Variants in VIRMA observed in about 807,000 individuals in gnomAD.
VIRMA encodes the protein protein virilizer homolog.
A neutral mutation model predicts 182.4 loss-of-function variants in VIRMA; 65 were observed. The ratio of observed to expected loss-of-function variants is 0.36; its 90% CI spans 0.29 to 0.44. The LOEUF (loss-of-function observed/expected upper bound fraction) is 0.44. Among genes scored for constraint, VIRMA ranks in the 20% least tolerant of loss-of-function variants. VIRMA has a pLI of 1.00. For synonymous variants in VIRMA, 709 were observed against 743.1 expected, an observed-to-expected ratio of 0.95 and a Z score of 0.75; for missense variants, 1,752 against 2,158.1, an observed-to-expected ratio of 0.81 and a Z score of 3.73.
intron 7 of VIRMA, among the ~76,000 whole-genome samples, 195 bp from the exon 8 acceptor site, chr8:94,527,558 T>C (rs1336590488): frequency 2.6e-5 from 4 of 152,240 alleles, no homozygotes; most frequent in African/African-American, 9.6e-5. Flanking sequence ...AACTTCTTTT[T>C]TTCCTGAAAG....
At chr8:94,521,221 A>T (rs1814755295) in intron 8 of VIRMA, among the ~76,000 whole-genome samples, 1 of 151,870 alleles carries the variant, frequency 6.6e-6, no homozygotes. Flanking sequence ...TTCTCCTTCA[A>T]CAGGCCCCAG....
chr8:94,547,000 T>G (rs550294369), intron 1 of VIRMA: 1 of 455,320 alleles, frequency 2.2e-6, no homozygotes, highest in East Asian at 7.0e-5. Flanking sequence ...ATCTATCACA[T>G]CCTTCTGCCC....
At chr8:94,540,105 T>C (rs916662860) in intron 2 of VIRMA, among the ~76,000 whole-genome samples, 12 of 152,208 alleles carry the variant, frequency 7.9e-5, no homozygotes, top group South Asian at 6.2e-4. Flanking sequence ...TTCTAGAAAG[T>C]GTTTTTACAG....
chr8:94,543,528 C>T (rs1440298375), intron 2 of VIRMA, among the ~76,000 whole-genome samples: 2 of 151,110 alleles, frequency 1.3e-5, no homozygotes, highest in African/African-American at 4.9e-5. Context: ...CTTCATCTAC[C>T]TGGTTACACC....
At position 94,494,964 on chromosome 8, in the gene VIRMA, A is replaced by G; in HGVS notation, c.4545-8T>C. 3 of 1,564,038 alleles carry G rather than the reference A, an allele frequency of 1.9e-6. No homozygotes were observed. Among genetic ancestry groups the G allele is most frequent in the Non-Finnish European group, 2.6e-6 (3 of 1,139,090 alleles). ...GCAAGCACATAGGCAGTCCTGGAAC[A>G]AGAAAAGTATCTGGTGAAAAGCAGA... On this transcript the variant is annotated splice_region_variant and splice_polypyrimidine_tract_variant and intron_variant, in intron 19 of 23. Transcript: ENST00000297591.
chr8:94,489,056 A>G (rs1813534666), intron 23 of VIRMA, among the ~76,000 whole-genome samples, 196 bp from the exon 24 acceptor site: 1 of 152,244 alleles, frequency 6.6e-6, no homozygotes, highest in Non-Finnish European at 1.5e-5. Flanking sequence ...TATGAGAATT[A>G]TATCCTAAAT....
intron 8 of VIRMA, 48 bp downstream of exon 8, chr8:94,526,175 C>T: frequency 1.4e-6 from 2 of 1,418,864 alleles, no homozygotes; most frequent in Non-Finnish European, 9.6e-7. Context: ...ATAAAATTGT[C>T]TCCAATGATT....
chr8:94,535,058 G>C (rs1449871294), intron 4 of VIRMA, 51 bp from the exon 5 acceptor site: 1 of 1,535,508 alleles, frequency 6.5e-7, no homozygotes, highest in East Asian at 2.3e-5. Context: ...GTTTTAAAAT[G>C]CTAGAAGTTA....
intron 16 of VIRMA, among the ~76,000 whole-genome samples, chr8:94,502,524 A>C (rs1356042204): frequency 1.3e-5 from 2 of 151,998 alleles, no homozygotes; most frequent in African/African-American, 2.4e-5. Context: ...AAAGAAAGTA[A>C]ATGTATGTAA....
chr8:94,526,591 T>C lies in VIRMA; in HGVS notation c.1653A>G (p.Ser551=). ...AGAAATGGCATTTTTGGAGAATAGC[T>C]GAACCAGCAGTAACAACCCTCACAG... ...DQTVRVVTAG[S]AILQKCHFYE... Residue 551 remains serine, a synonymous_variant, in exon 8 of 24, where the codon TCA becomes TCG. Coordinates refer to ENST00000297591, the MANE Select transcript of VIRMA (RefSeq NM_015496.5). The C allele has an allele frequency of 6.2e-7, 1 of 1,614,036 alleles. No homozygotes were observed. The highest frequency in any genetic ancestry group is 8.5e-7 in the Non-Finnish European group (1 of 1,180,002).
At position 94,488,724 on chromosome 8, in the gene VIRMA, T is replaced by C; in HGVS notation, c.5421A>G (p.Val1807=). ...AGGATTTTTATCGTGTAAAGGAGCG[T>C]ACATGACGACCTCTACCACTGCCTC... ...VSGGSGRGRH[V]RSFTR The change falls in exon 24 of 24, where the codon GTA becomes GTG. Residue 1807 remains valine, a synonymous_variant. Transcript: ENST00000297591. 1 of 1,614,188 alleles carries C rather than the reference T, an allele frequency of 6.2e-7. No homozygotes were observed. The highest frequency in any genetic ancestry group is 8.5e-7 in the Non-Finnish European group (1 of 1,180,022).
At chr8:94,494,998 A>T (rs1011547010) in intron 19 of VIRMA, 42 bp from the exon 20 acceptor site, 2 of 1,397,878 alleles carry the variant, frequency 1.4e-6, no homozygotes, top group African/African-American at 2.9e-5. Context: ...GAATTCTAAA[A>T]TCAAATTTCA....
rs765578576 is a variant in VIRMA at position 94,510,471 on chromosome 8, G to A, written c.3572C>T (p.Thr1191Ile). ...CVQLCDLASP[T>I]ALLIMRTVLD... is the part of the protein sequence containing the mutation. The stretch of plus-strand genomic sequence containing the variant: ...CACAGTTCTCATAATCAGAAGTGCA[G>A]TTGGTGAGGCAAGGTCACACAATTG... The change falls in exon 14 of 24, where the codon ACT becomes ATT. Residue 1191 changes from threonine to isoleucine, a missense_variant. Transcript: ENST00000297591. The A allele has an allele frequency of 6.2e-7, 1 of 1,613,974 alleles. No individual in the cohort carries two copies. The highest frequency in any genetic ancestry group is 8.5e-7 in the Non-Finnish European group (1 of 1,179,986).
intron 12 of VIRMA, 43 bp from the exon 13 acceptor site, chr8:94,511,772 A>G: frequency 1.5e-6 from 2 of 1,339,058 alleles, no homozygotes; most frequent in Non-Finnish European, 2.1e-6. Context: ...AATTACTTAT[A>G]TGTTAATAAC....
At chr8:94,530,731 G>C (rs1340565836) in intron 6 of VIRMA, among the ~76,000 whole-genome samples, 1 of 152,084 alleles carries the variant, frequency 6.6e-6, no homozygotes, top group Non-Finnish European at 1.5e-5. Context: ...GGGCAAAATA[G>C]TGAGACCCCA....
intron 9 of VIRMA, 89 bp downstream of exon 9, chr8:94,518,895 CA>C: frequency 8.2e-7 from 1 of 1,221,624 alleles, no homozygotes; most frequent in South Asian, 1.5e-5. Context: ...TTTTCCCTCT[CA>C]AAATAACACC....
intron 3 of VIRMA, among the ~76,000 whole-genome samples, chr8:94,537,366 T>G (rs1322668215): frequency 6.6e-6 from 1 of 152,172 alleles, no homozygotes; most frequent in African/African-American, 2.4e-5. Flanking sequence ...GGGGTGAGTA[T>G]GGACATCAAT....
At chr8:94,510,759 G>A (rs1814339769) in intron 13 of VIRMA, 107 bp from the exon 14 acceptor site, 2 of 835,686 alleles carry the variant, frequency 2.4e-6, no homozygotes, top group African/African-American at 1.7e-5. Context: ...TTTACTGCAT[G>A]CTTAAAACAT....
chr8:94,526,879 C>T lies in VIRMA; in HGVS notation c.1365G>A (p.Gln455=). The T allele has an allele frequency of 6.2e-7, 1 of 1,614,200 alleles. No homozygotes were observed. Among genetic ancestry groups the T allele is most frequent in the Non-Finnish European group, 8.5e-7 (1 of 1,180,028 alleles). The change falls in exon 8 of 24, where the codon CAG becomes CAA. Residue 455 remains glutamine, a synonymous_variant. Transcript: ENST00000297591. ...LRQPIALNVR[Q]LKAGTKLVSS... ...ACACTAATTTGGTCCCAGCTTTGAG[C>T]TGTCGAACATTTAAGGCGATAGGTT...
Sources: allele counts gnomAD v4.1 joint callset (sites outside exome capture counted in the v4.1 genomes callset), GRCh38; gene constraint gnomAD v4.1.1; transcripts MANE v1.5; gene names NCBI Gene and HGNC (gene_info 2026-07-23, HGNC 2026-07-21).